The following SNX14 variants were observed in gnomAD, a reference collection of about 807,000 sequenced individuals.
SNX14 encodes sorting nexin 14.
Under a neutral mutation model 133.8 loss-of-function variants are expected in SNX14, and 93 were observed. The ratio of observed to expected loss-of-function variants is 0.70; its 90% CI spans 0.59 to 0.83. The LOEUF is 0.83. Ranked by LOEUF, SNX14 falls within the 40% of genes least tolerant of loss-of-function variation. The pLI is 0.00. For synonymous variants in SNX14, 368 were observed against 365.6 expected (o/e 1.01, Z -0.07); for missense variants, 945 against 1,094.9 (o/e 0.86, Z 1.93).
At chr6:85,566,985 GAA>G (rs959699687) in intron 5 of SNX14, among the ~76,000 whole-genome samples, 1 of 150,472 alleles carries the variant, frequency 6.6e-6, no homozygotes, top group Non-Finnish European at 1.5e-5. Flanking sequence ...GGTACTTGGG[GAA>G]AAAAAAACCA....
intron 2 of SNX14, among the ~76,000 whole-genome samples, chr6:85,573,268 T>A (rs1411207315): frequency 6.6e-6 from 1 of 152,046 alleles, no homozygotes; most frequent in African/African-American, 2.4e-5. Flanking sequence ...TCACCTGAGG[T>A]CAGGAGTTCG....
At chr6:85,536,728 T>A in intron 17 of SNX14, 64 bp downstream of exon 17, 1 of 1,496,580 alleles carries the variant, frequency 6.7e-7, no homozygotes, top group Non-Finnish European at 9.0e-7. Flanking sequence ...AATGAGTATA[T>A]CTAATTTTTA....
chr6:85,536,502 C>T (rs981930080), intron 17 of SNX14, among the ~76,000 whole-genome samples: 1 of 152,094 alleles, frequency 6.6e-6, no homozygotes, highest in Admixed American at 6.6e-5. Context: ...AACCAAAAGA[C>T]GGTAAACTGC....
At chr6:85,535,848 A>G (rs1195665922) in intron 17 of SNX14, among the ~76,000 whole-genome samples, 1 of 152,194 alleles carries the variant, frequency 6.6e-6, no homozygotes, top group African/African-American at 2.4e-5. Flanking sequence ...CATCAATCCA[A>G]TCAGTACTAA....
Position 85,572,332 on chromosome 6 carries a change from C to A in SNX14, c.304G>T (p.Ala102Ser). Residue 102 changes from alanine (A) to serine (S), a missense_variant, in exon 3 of 29, where the codon GCT (alanine) becomes TCT (serine). This residue lies in a region of SNX14 where 514 missense variants were observed against 538.8 expected (regional missense o/e 0.95). Transcript: ENST00000314673. Reference protein sequence around the residue: ...QELFPQGHSCAVCGKVKCKRH... With the variant: ...QELFPQGHSCSVCGKVKCKRH... The stretch of plus-strand genomic sequence containing the variant: ...TTACATTTCACTTTACCACAAACAG[C>A]ACAGCTATGACCTTGAGGAAATAAT... 1 of 1,613,778 alleles carries A rather than the reference C, an allele frequency of 6.2e-7. No homozygotes were observed. The highest frequency in any genetic ancestry group is 8.5e-7 in the Non-Finnish European group (1 of 1,179,866).
At chr6:85,523,748 G>A (rs1252957304) in intron 21 of SNX14, among the ~76,000 whole-genome samples, 1 of 151,978 alleles carries the variant, frequency 6.6e-6, no homozygotes, top group African/African-American at 2.4e-5. Flanking sequence ...CTGGGTGACA[G>A]AGAGACTCCA....
At chr6:85,540,550 A>G (rs1182942760) in intron 15 of SNX14, among the ~76,000 whole-genome samples, 3 of 152,214 alleles carry the variant, frequency 2.0e-5, no homozygotes, top group Admixed American at 1.3e-4. Context: ...TGTAACATAA[A>G]TTTTTAGGAA....
chr6:85,530,659 AG>A lies in SNX14; in HGVS notation c.1811-385del, dbSNP rs1253043030. On this transcript the variant is annotated intron_variant, in intron 18 of 28. Transcript: ENST00000314673. ...GACTCTGTCTCAAAAAAAAAAAAAAAGAAAGAAAAAGAAAAAAGAATACAAA... is the reference window on the plus strand; with the variant it reads ...GACTCTGTCTCAAAAAAAAAAAAAAAAAAGAAAAAGAAAAAAGAATACAAA... 2.0e-5 allele frequency among the ~76,000 whole-genome samples: 3 copies of A among 151,738 alleles called. No individual in the cohort carries two copies. In the East Asian group the frequency reaches 5.8e-4, roughly 29 times the overall value.
rs753179309 is a variant in SNX14 at position 85,548,251 on chromosome 6, T to A, written c.867+50A>T. On this transcript the variant is annotated intron_variant, in intron 9 of 28. Transcript: ENST00000314673. ...ATAAAAATGTTTAAGATACTAAATG[T>A]TATATTAAGTGTAATTTGTAACAAT... 3.1e-6 allele frequency: 4 copies of A among 1,308,060 alleles called. No individual in the cohort carries two copies. In the South Asian group the frequency reaches 5.1e-5, roughly 17 times the overall value. The allele number at this position is 1,308,060 out of a possible 1,614,324, so 81.0% of individuals were successfully genotyped here.
chr6:85,551,016 T>C (rs1328406012), intron 7 of SNX14, among the ~76,000 whole-genome samples: 1 of 152,106 alleles, frequency 6.6e-6, no homozygotes, highest in Admixed American at 6.5e-5. Flanking sequence ...CCTGACTTCA[T>C]GTGATCCACC....
At chr6:85,574,159 TG>T in intron 2 of SNX14, 98 bp downstream of exon 2, 1 of 1,048,974 alleles carries the variant, frequency 9.5e-7, no homozygotes, top group East Asian at 2.9e-5. Context: ...AAACAAATTT[TG>T]TAAATTAAAA....
rs769323091 is a variant in SNX14, at chr6:85,543,588, T to G, written c.1264+17A>C. ...GTAAGAGTGCTAAATAAGTCATTCT[T>G]ATCGTCTTTGACTTACTTCTTTGAA... is the stretch of plus-strand genomic sequence containing the variant. On this transcript the variant is annotated intron_variant, in intron 13 of 28. Transcript: ENST00000314673. The G allele has an allele frequency of 6.4e-6, 10 of 1,552,154 alleles. No homozygotes were observed. The highest frequency in any genetic ancestry group is 8.7e-6 in the Non-Finnish European group (10 of 1,143,746).
chr6:85,537,177 T>C (rs1316416128), intron 16 of SNX14, among the ~76,000 whole-genome samples: 5 of 152,128 alleles, frequency 3.3e-5, no homozygotes, highest in Admixed American at 3.3e-4. Flanking sequence ...CACTCAAAAT[T>C]TACCTAGTAT....
intron 6 of SNX14, among the ~76,000 whole-genome samples, chr6:85,564,850 G>A (rs899432940): frequency 7.2e-5 from 11 of 151,912 alleles, no homozygotes; most frequent in East Asian, 1.9e-4. Flanking sequence ...TTAGCCGGGC[G>A]TGGTGGCATA....
chr6:85,548,892 G>A (rs760554081), intron 8 of SNX14, among the ~76,000 whole-genome samples: 6 of 148,664 alleles, frequency 4.0e-5, no homozygotes, highest in African/African-American at 1.2e-4. Context: ...GCTTGAATCC[G>A]GCAGGCAGAG....
intron 1 of SNX14, 61 bp from the exon 2 acceptor site, chr6:85,574,439 C>T: frequency 1.6e-6 from 2 of 1,232,914 alleles, no homozygotes; most frequent in Non-Finnish European, 2.2e-6. Context: ...TAAGTTACCG[C>T]TTCACTGACT....
At chr6:85,549,393 A>C (rs1354785102) in intron 8 of SNX14, among the ~76,000 whole-genome samples, 1 of 152,146 alleles carries the variant, frequency 6.6e-6, no homozygotes, top group African/African-American at 2.4e-5. Context: ...TGCCTATTAT[A>C]GTTATAATGT....
intron 7 of SNX14, 68 bp from the exon 8 acceptor site, chr6:85,549,947 A>C: frequency 1.4e-6 from 2 of 1,383,886 alleles, no homozygotes; most frequent in Non-Finnish European, 2.0e-6. Context: ...CATTTCCACT[A>C]ACAAATAGAA....
At chr6:85,521,536 C>T (rs1469882450) in intron 21 of SNX14, among the ~76,000 whole-genome samples, 3 of 152,042 alleles carry the variant, frequency 2.0e-5, no homozygotes, top group Admixed American at 1.3e-4. Context: ...ATATTCTCTC[C>T]CCTTGTACAG....
Sources: gnomAD v4.1 joint callset for allele counts (sites outside exome capture counted in the v4.1 genomes callset) on GRCh38, gnomAD v4.1.1 for gene constraint, gnomAD v4.1.1 regional missense constraint, MANE v1.5 for transcripts, NCBI Gene and HGNC (gene_info 2026-07-23, HGNC 2026-07-21) for gene names.